Variants in MYBPC1 observed in about 807,000 individuals in gnomAD.
MYBPC1 encodes the protein myosin-binding protein C, slow-type.
Under a neutral mutation model 147.1 loss-of-function variants are expected in MYBPC1, and 52 were observed. The observed-to-expected ratio is 0.35, with a 90% CI of 0.28 to 0.45. The LOEUF is 0.45. Ranked by LOEUF, MYBPC1 falls within the 20% of genes least tolerant of loss-of-function variation. MYBPC1 has a pLI of 1.00. For missense variants in MYBPC1, 1,228 were observed against 1,440.3 expected, an observed-to-expected ratio of 0.85 and a Z score of 2.39; for synonymous variants, 477 against 475.9, an observed-to-expected ratio of 1.00 and a Z score of -0.03.
chr12:101,661,946 A>G, intron 20 of MYBPC1, among the ~76,000 whole-genome samples: 1 of 151,078 alleles, frequency 6.6e-6, no homozygotes, highest in Non-Finnish European at 1.5e-5. Flanking sequence ...GCTTAGAAGC[A>G]TTTGCTTCCC....
chr12:101,677,311 A>G lies in MYBPC1; in HGVS notation c.3026A>G (p.Tyr1009Cys), dbSNP rs774913757. 2 of 1,613,924 alleles carry G rather than the reference A, an allele frequency of 1.2e-6. No individual in the cohort carries two copies. Among genetic ancestry groups the G allele is most frequent in the Non-Finnish European group, 1.7e-6 (2 of 1,179,882 alleles). Residue 1009 changes from tyrosine to cysteine, a missense_variant, in exon 27 of 32, where the codon TAC becomes TGC. Physicochemically the swap from Tyr to Cys is radical, Grantham distance 194. Around this residue, in one of 2 missense-constraint regions of MYBPC1, gnomAD observed 1,077 missense variants for 1,314.2 expected, o/e 0.82. Transcript: ENST00000361466. ...ITELVIGNEY[Y>C]FRVFSENMCG... ...GAATTGGTCATAGGGAATGAATATT[A>G]CTTCCGGGTCTTTTCTGAAAACATG... is the stretch of plus-strand genomic sequence containing the variant.
In MYBPC1 at chr12:101,651,406, G is replaced by C. The variant is rs973449460; in HGVS notation, c.1526+13G>C. The C allele has an allele frequency of 8.7e-6, 14 of 1,613,900 alleles. No individual in the cohort carries two copies. The highest frequency in any genetic ancestry group is 1.2e-5 in the Non-Finnish European group (14 of 1,179,818). On this transcript the variant is annotated intron_variant, in intron 16 of 31. Coordinates refer to ENST00000361466, the MANE Select transcript of MYBPC1 (RefSeq NM_002465.4). ...TTCACAAGGGAAGGTAAGCGAGCCA[G>C]GTGACCCGCAAGTGAGGTTTGGTCC...
chr12:101,644,920 G>C (rs1593861220), intron 12 of MYBPC1, 124 bp downstream of exon 12: 1 of 983,104 alleles, frequency 1.0e-6, no homozygotes, highest in Non-Finnish European at 1.6e-6. Context: ...TATGGAGAGA[G>C]AGTAAACATT....
chr12:101,609,680 G>C (rs11110883), intron 1 of MYBPC1, among the ~76,000 whole-genome samples: 8,650 of 152,200 alleles, frequency 0.057, 664 homozygotes, highest in African/African-American at 0.17. Context: ...AGGATTTCTG[G>C]AAGTAGTGAG....
chr12:101,638,057 A>T (rs1891346171), intron 10 of MYBPC1, among the ~76,000 whole-genome samples: 4 of 152,222 alleles, frequency 2.6e-5, no homozygotes. Context: ...AGTTAGAGGC[A>T]GGGCCAGGAC....
chr12:101,624,838 C>A lies in MYBPC1; in HGVS notation c.104-2034C>A, dbSNP rs201624509. Among the ~76,000 whole-genome samples, 4 of 152,086 alleles carry A rather than the reference C, an allele frequency of 2.6e-5. No individual in the cohort carries two copies. In the East Asian group the frequency reaches 7.7e-4, roughly 29 times the overall value. On this transcript the variant is annotated intron_variant, in intron 3 of 31. Transcript: ENST00000361466. ...AAGAGCAGAGCAGAGGTTCAGATAA[C>A]AACAAATGCTCTTTAAGGATGTAAA...
intron 18 of MYBPC1, among the ~76,000 whole-genome samples, chr12:101,655,603 C>A (rs1395590161): frequency 6.6e-6 from 1 of 152,178 alleles, no homozygotes; most frequent in African/African-American, 2.4e-5. Flanking sequence ...ACAGGGCAAA[C>A]TGCCAAAATG....
chr12:101,673,384 C>A (rs778371829), intron 24 of MYBPC1, 43 bp from the exon 25 acceptor site: 17 of 1,588,800 alleles, frequency 1.1e-5, no homozygotes, highest in Non-Finnish European at 1.5e-5. Context: ...CATCTTGAGA[C>A]AATATGATTT....
intron 18 of MYBPC1, among the ~76,000 whole-genome samples, chr12:101,653,814 G>A (rs11110926): frequency 0.22 from 33,631 of 152,026 alleles, 4,005 homozygotes; most frequent in Middle Eastern, 0.34. Context: ...TGGGAGAAAT[G>A]CAAGTGAGGG....
chr12:101,605,635 T>C (rs973588420), intron 1 of MYBPC1, among the ~76,000 whole-genome samples: 109 of 152,222 alleles, frequency 7.2e-4, no homozygotes, highest in African/African-American at 2.6e-3. Context: ...CAGAGGCAGG[T>C]GGATCACCTG....
intron 29 of MYBPC1, 137 bp from the exon 30 acceptor site, chr12:101,682,467 A>G: frequency 1.3e-6 from 1 of 778,632 alleles, no homozygotes; most frequent in South Asian, 1.6e-5. Flanking sequence ...TTTTGGTCCT[A>G]AAAGTAAAGC....
intron 23 of MYBPC1, among the ~76,000 whole-genome samples, chr12:101,668,897 G>C (rs1250574010): frequency 6.6e-6 from 1 of 152,064 alleles, no homozygotes; most frequent in Non-Finnish European, 1.5e-5. Context: ...GACCAGCCTG[G>C]GGAACATGGC....
At chr12:101,605,073 C>G (rs942004682) in intron 1 of MYBPC1, among the ~76,000 whole-genome samples, 1 of 152,196 alleles carries the variant, frequency 6.6e-6, no homozygotes, top group Non-Finnish European at 1.5e-5. Context: ...AACACAGAAA[C>G]TCTTAGTGCC....
At chr12:101,685,330 A>G (rs1161468620) in intron 31 of MYBPC1, among the ~76,000 whole-genome samples, 1 of 152,236 alleles carries the variant, frequency 6.6e-6, no homozygotes, top group Non-Finnish European at 1.5e-5. Flanking sequence ...TTAAATGAAG[A>G]TTGAACAATA....
At chr12:101,666,986 G>C (rs937968459) in intron 22 of MYBPC1, among the ~76,000 whole-genome samples, 17 of 151,300 alleles carry the variant, frequency 1.1e-4, no homozygotes, top group African/African-American at 3.6e-4. Context: ...TAATAATGTG[G>C]GATCAAAGTC....
At chr12:101,663,294 T>C (rs1896890529) in intron 21 of MYBPC1, 132 bp from the exon 22 acceptor site, 1 of 832,176 alleles carries the variant, frequency 1.2e-6, no homozygotes, top group African/African-American at 1.7e-5. Context: ...TCAAGGTGTC[T>C]TAACTGAATT....
the MYBPC1 span, among the ~76,000 whole-genome samples, chr12:101,692,668 T>TAATTC: frequency 0.51 from 77,645 of 151,594 alleles, 20,821 homozygotes; most frequent in Admixed American, 0.6. Context: ...GCTACTATGT[T>TAATTC]AAGATAAGGG....
At chr12:101,671,234 C>T (rs1316678043) in intron 24 of MYBPC1, among the ~76,000 whole-genome samples, 2 of 151,688 alleles carry the variant, frequency 1.3e-5, no homozygotes, top group African/African-American at 4.8e-5. Context: ...TTTAAATAGC[C>T]ACGTGTACCT....
chr12:101,620,045 TTTGC>T (rs1026059658), intron 3 of MYBPC1, among the ~76,000 whole-genome samples: 1 of 152,194 alleles, frequency 6.6e-6, no homozygotes, highest in African/African-American at 2.4e-5. Context: ...TTTATGATTG[TTTGC>T]TTGCTTGCTT....
Sources: gnomAD v4.1 joint callset for allele counts (sites outside exome capture counted in the v4.1 genomes callset) on GRCh38, gnomAD v4.1.1 for gene constraint, gnomAD v4.1.1 regional missense constraint, MANE v1.5 for transcripts, NCBI Gene and HGNC (gene_info 2026-07-23, HGNC 2026-07-21) for gene names.